Variants in RBMS3 observed in about 807,000 individuals in gnomAD.
RBMS3 encodes RNA-binding motif, single-stranded-interacting protein 3.
RBMS3 carries 27 observed loss-of-function variants against 66.8 expected under a neutral mutation model. That is an observed-to-expected ratio of 0.40 (90% CI 0.30 to 0.56). The LOEUF (loss-of-function observed/expected upper bound fraction) is 0.56, where lower values mean the gene tolerates loss of function less well. Ranked by LOEUF, RBMS3 falls within the 20% of genes least tolerant of loss-of-function variation. The pLI is 0.40. For synonymous variants in RBMS3, 188 were observed against 183.0 expected (o/e 1.03, Z -0.22); for missense variants, 513 against 549.5 (o/e 0.93, Z 0.66).
intron 4 of RBMS3, among the ~76,000 whole-genome samples, chr3:29,608,210 G>C (rs2048375672): frequency 6.6e-6 from 1 of 151,812 alleles, no homozygotes; most frequent in African/African-American, 2.4e-5. Flanking sequence ...TACCAGCCAA[G>C]AATTGGTATG....
intron 1 of RBMS3, among the ~76,000 whole-genome samples, chr3:29,289,468 A>C (rs1356192548): frequency 1.3e-5 from 2 of 151,904 alleles, no homozygotes; most frequent in Admixed American, 6.6e-5. Flanking sequence ...TAGAATATTT[A>C]GTGATGGGGG....
chr3:29,751,100 C>A (rs2055162133), intron 5 of RBMS3, among the ~76,000 whole-genome samples: 1 of 152,066 alleles, frequency 6.6e-6, no homozygotes, highest in Non-Finnish European at 1.5e-5. Flanking sequence ...AATACCCAAT[C>A]AAGGGACCTA....
rs918835238 is a variant in RBMS3, at chr3:29,458,973, G to A, written c.248+24058G>A. On this transcript the variant is annotated intron_variant, in intron 2 of 14. Transcript: ENST00000383767. ...ATGCATTTTCCTATTACATCATGAT[G>A]TGAGAGAAACTGGATAGAGAAATCA... Among the ~76,000 whole-genome samples the A allele has an allele frequency of 3.3e-5, 5 of 152,232 alleles. No homozygotes were observed. The East Asian group carries it at 5.8e-4, about 18-fold the overall frequency.
chr3:29,714,550 G>A (rs1248061573), intron 4 of RBMS3, among the ~76,000 whole-genome samples: 1 of 152,180 alleles, frequency 6.6e-6, no homozygotes, highest in Admixed American at 6.5e-5. Context: ...ATGAGACTTG[G>A]TAACATAACC....
intron 1 of RBMS3, among the ~76,000 whole-genome samples, chr3:29,286,621 C>T (rs2032360550): frequency 6.6e-6 from 1 of 151,876 alleles, no homozygotes; most frequent in Admixed American, 6.6e-5. Flanking sequence ...TATCTGAGGG[C>T]TGGGGGTAGG....
intron 2 of RBMS3, among the ~76,000 whole-genome samples, chr3:29,471,220 A>G (rs560540490): frequency 7.9e-5 from 12 of 152,316 alleles, no homozygotes; most frequent in Non-Finnish European, 1.5e-4. Context: ...GCATTTTCCA[A>G]CTCTGAGTTT....
Position 29,837,329 on chromosome 3 carries a change from C to T in RBMS3, c.638-31529C>T, listed in dbSNP as rs531086231. ...AAACCTTATACGTAGTCTAGTTTTA[C>T]TGTGGATTATTTTCCTTGTGTCCTG... On this transcript the variant is annotated intron_variant, in intron 6 of 14. Coordinates refer to ENST00000383767, the MANE Select transcript of RBMS3 (RefSeq NM_001003793.3). Among the ~76,000 whole-genome samples, 4 of 151,896 alleles carry T rather than the reference C, an allele frequency of 2.6e-5. No homozygotes were observed. The South Asian group carries it at 8.3e-4, about 32-fold the overall frequency.
chr3:29,810,092 G>A (rs1201856507), intron 6 of RBMS3, among the ~76,000 whole-genome samples: 1 of 152,012 alleles, frequency 6.6e-6, no homozygotes, highest in Non-Finnish European at 1.5e-5. Context: ...AAATAGCATA[G>A]TTCATTATAG....
intron 6 of RBMS3, among the ~76,000 whole-genome samples, chr3:29,794,622 T>C (rs576984087): frequency 6.6e-6 from 1 of 152,070 alleles, no homozygotes; most frequent in East Asian, 1.9e-4. Context: ...CAAAAACACA[T>C]GATATGGGCC....
At chr3:29,446,351 C>T (rs981925385) in intron 2 of RBMS3, among the ~76,000 whole-genome samples, 1 of 152,020 alleles carries the variant, frequency 6.6e-6, no homozygotes, top group Non-Finnish European at 1.5e-5. Context: ...ATAAAATTCA[C>T]CTGTAATTTT....
intron 5 of RBMS3, among the ~76,000 whole-genome samples, chr3:29,755,032 T>C (rs903253074): frequency 2.6e-5 from 4 of 152,180 alleles, no homozygotes; most frequent in Non-Finnish European, 5.9e-5. Context: ...CTTTTCTCAA[T>C]AATATCTAGG....
chr3:29,984,868 G>C (rs963925300), intron 12 of RBMS3, among the ~76,000 whole-genome samples: 2 of 152,170 alleles, frequency 1.3e-5, no homozygotes, highest in African/African-American at 4.8e-5. Flanking sequence ...CCCACTTGAG[G>C]AGGCAGTCTG....
At chr3:29,430,685 T>C (rs1017864031) in intron 1 of RBMS3, among the ~76,000 whole-genome samples, 1 of 152,222 alleles carries the variant, frequency 6.6e-6, no homozygotes, top group Non-Finnish European at 1.5e-5. Flanking sequence ...GCTTTCTTAT[T>C]TGATTAGTCA....
intron 1 of RBMS3, among the ~76,000 whole-genome samples, chr3:29,293,840 C>T (rs1348472403): frequency 3.3e-5 from 5 of 151,188 alleles, no homozygotes; most frequent in Non-Finnish European, 5.9e-5. Context: ...TCCTTAAATT[C>T]TGCTTCCTTC....
intron 3 of RBMS3, among the ~76,000 whole-genome samples, chr3:29,580,178 C>A (rs549030553): frequency 6.6e-6 from 1 of 152,158 alleles, no homozygotes; most frequent in Non-Finnish European, 1.5e-5. Flanking sequence ...TTCCTTTTCC[C>A]CAGTCCTTAT....
intron 4 of RBMS3, among the ~76,000 whole-genome samples, chr3:29,670,666 C>A (rs150382928): frequency 0.025 from 3,861 of 152,300 alleles, 157 homozygotes; most frequent in African/African-American, 0.086. Context: ...ACACAGCAGT[C>A]CAAGATCGAA....
intron 6 of RBMS3, among the ~76,000 whole-genome samples, chr3:29,850,590 T>C (rs898569524): frequency 6.6e-6 from 1 of 152,188 alleles, no homozygotes; most frequent in Non-Finnish European, 1.5e-5. Context: ...GGGAGCTACA[T>C]GTGTAAGGAT....
At chr3:29,917,181 C>T (rs984147393) in intron 10 of RBMS3, among the ~76,000 whole-genome samples, 3 of 151,986 alleles carry the variant, frequency 2.0e-5, no homozygotes, top group Non-Finnish European at 4.4e-5. Context: ...TATCTTCCAG[C>T]AGGGGAAAAA....
At position 29,539,883 on chromosome 3, in the gene RBMS3, C is replaced by A. The variant is rs1336861785; in HGVS notation, c.308-47231C>A. Among the ~76,000 whole-genome samples the A allele has an allele frequency of 4.6e-5, 7 of 152,180 alleles. No homozygotes were observed. The East Asian group carries it at 5.8e-4, about 13-fold the overall frequency. On this transcript the variant is annotated intron_variant, in intron 3 of 14. Transcript: ENST00000383767. ...ACTTTGGATTATTCACAGAAGGTAT[C>A]AGTTTATTTCTTGAAGAATTTGAGA...
Sources: allele counts gnomAD v4.1 joint callset (sites outside exome capture counted in the v4.1 genomes callset), GRCh38; gene constraint gnomAD v4.1.1; transcripts MANE v1.5; gene names NCBI Gene and HGNC (gene_info 2026-07-23, HGNC 2026-07-21).